Variants in OR2L13 observed in about 807,000 individuals in gnomAD.
The protein encoded by OR2L13 is olfactory receptor 2L13.
A neutral mutation model predicts 15.3 loss-of-function variants in OR2L13; 14 were observed. The observed-to-expected ratio is 0.91, with a 90% CI of 0.60 to 1.43. The LOEUF (loss-of-function observed/expected upper bound fraction) is 1.43, where lower values mean the gene tolerates loss of function less well. OR2L13 is among the 40% of genes most tolerant of loss of function. The pLI is 0.00. For missense variants in OR2L13, 367 were observed against 387.9 expected, an observed-to-expected ratio of 0.95 and a Z score of 0.45; for synonymous variants, 152 against 142.9, an observed-to-expected ratio of 1.06 and a Z score of -0.45.
chr1:248,091,197 T>C (rs1268948514), upstream of OR2L13, among the ~76,000 whole-genome samples: 3 of 152,168 alleles, frequency 2.0e-5, no homozygotes, highest in Non-Finnish European at 4.4e-5. Flanking sequence ...TTTTGTTGCA[T>C]GTATATTTGC....
At chr1:247,960,587 C>A in the OR2L13 span, among the ~76,000 whole-genome samples, 1 of 152,184 alleles carries the variant, frequency 6.6e-6, no homozygotes, top group Non-Finnish European at 1.5e-5. Flanking sequence ...GTGGGCTGCA[C>A]CCAGTTCGAG....
chr1:248,060,055 T>G, the OR2L13 span, among the ~76,000 whole-genome samples: 4 of 151,324 alleles, frequency 2.6e-5, no homozygotes. Context: ...AAAAAAAAAG[T>G]ATAAATATGG....
chr1:248,014,219 C>T, the OR2L13 span, among the ~76,000 whole-genome samples: 2 of 151,706 alleles, frequency 1.3e-5, no homozygotes, highest in African/African-American at 4.8e-5. Context: ...CCAGTATTTC[C>T]AAGGAAATAT....
At chr1:248,017,998 A>T in the OR2L13 span, among the ~76,000 whole-genome samples, 5 of 151,726 alleles carry the variant, frequency 3.3e-5, no homozygotes, top group Admixed American at 1.3e-4. Context: ...ATGTATATAT[A>T]AAAAAAATTA....
chr1:248,022,049 C>A, the OR2L13 span: 2 of 1,613,916 alleles, frequency 1.2e-6, no homozygotes, highest in Non-Finnish European at 1.7e-6. Flanking sequence ...TTCTCATTTT[C>A]CTAATGGCTC....
the OR2L13 span, among the ~76,000 whole-genome samples, chr1:247,989,632 A>G: frequency 6.6e-6 from 1 of 152,236 alleles, no homozygotes; most frequent in Non-Finnish European, 1.5e-5. Context: ...TAAATAGGAA[A>G]GATTACTTCA....
the OR2L13 span, among the ~76,000 whole-genome samples, chr1:247,969,869 T>C: frequency 6.6e-6 from 1 of 152,186 alleles, no homozygotes; most frequent in Non-Finnish European, 1.5e-5. Context: ...TTCTACATGA[T>C]GGCTGCTCCT....
Position 248,100,030 on chromosome 1 carries a change from C to T in OR2L13, c.655C>T (p.Arg219Ter), listed in dbSNP as rs1446884425. 49 of 1,614,046 alleles carry T rather than the reference C, an allele frequency of 3.0e-5. No individual in the cohort carries two copies. Among genetic ancestry groups the T allele is most frequent in the South Asian group, 4.4e-5 (4 of 91,068 alleles). Residue 219 changes from arginine (R) to a stop codon, truncating the protein, a stop_gained, in exon 3 of 3, where the codon CGA becomes TGA. Transcript: ENST00000641714. LOFTEE classifies it high-confidence loss of function. ...CATTGGCATCACTTCTTCCTGTGGCCGAGTCCTATTTGCTGTCTATCATAT... is the reference window on the plus strand; with the variant it reads ...CATTGGCATCACTTCTTCCTGTGGCTGAGTCCTATTTGCTGTCTATCATAT...
At chr1:247,966,084 AG>A in the OR2L13 span, 2 of 1,614,140 alleles carry the variant, frequency 1.2e-6, no homozygotes, top group Non-Finnish European at 1.7e-6. Flanking sequence ...GACAGGCAAA[AG>A]CTGTTTCCAC....
At chr1:248,003,064 G>A in the OR2L13 span, 23 of 817,510 alleles carry the variant, frequency 2.8e-5, no homozygotes, top group South Asian at 1.2e-4. Flanking sequence ...GAAATTCTGC[G>A]GATAAGGATG....
At chr1:247,947,211 CAG>C in the OR2L13 span, among the ~76,000 whole-genome samples, 1 of 152,200 alleles carries the variant, frequency 6.6e-6, no homozygotes, top group African/African-American at 2.4e-5. Flanking sequence ...GATTTCATAA[CAG>C]ATCATACATC....
the OR2L13 span, chr1:248,061,705 A>G: frequency 8.0e-7 from 1 of 1,251,162 alleles, no homozygotes; most frequent in Admixed American, 2.8e-5. Context: ...TCAATCCTAG[A>G]GTTCAGGAGC....
the OR2L13 span, among the ~76,000 whole-genome samples, chr1:247,991,662 A>T: frequency 1.3e-5 from 2 of 149,500 alleles, no homozygotes; most frequent in South Asian, 4.2e-4. Flanking sequence ...GTGAGTAGCC[A>T]CTGGTATTCT....
chr1:247,942,906 C>T, the OR2L13 span, among the ~76,000 whole-genome samples: 1 of 150,876 alleles, frequency 6.6e-6, no homozygotes, highest in Non-Finnish European at 1.5e-5. Context: ...CCCTGGGGTC[C>T]ACTCTTCCAC....
the OR2L13 span, among the ~76,000 whole-genome samples, chr1:248,070,682 C>A: frequency 6.6e-6 from 1 of 151,918 alleles, no homozygotes; most frequent in Non-Finnish European, 1.5e-5. Context: ...TTAATGAATC[C>A]AGGAGCTGGT....
the OR2L13 span, chr1:248,061,336 C>G: frequency 6.2e-7 from 1 of 1,613,852 alleles, no homozygotes; most frequent in Non-Finnish European, 8.5e-7. Context: ...TTCCTATGGC[C>G]GGGTTCTCCT....
At chr1:247,940,753 TGTGC>T in the OR2L13 span, among the ~76,000 whole-genome samples, 178 of 150,390 alleles carry the variant, frequency 1.2e-3, 1 homozygote, top group Admixed American at 2.4e-3. Context: ...TGTGTGTGTG[TGTGC>T]GCGCGCTAAG....
chr1:248,049,417 T>C, the OR2L13 span, among the ~76,000 whole-genome samples: 1 of 152,198 alleles, frequency 6.6e-6, no homozygotes, highest in Non-Finnish European at 1.5e-5. Flanking sequence ...AAATATTACG[T>C]TGAATATGTA....
chr1:248,065,491 A>T, the OR2L13 span, among the ~76,000 whole-genome samples: 16 of 151,540 alleles, frequency 1.1e-4, no homozygotes, highest in African/African-American at 3.6e-4. Flanking sequence ...TGTGCAGGTT[A>T]GTTACATATG....
Sources: gnomAD v4.1 joint callset for allele counts (sites outside exome capture counted in the v4.1 genomes callset) on GRCh38, gnomAD v4.1.1 for gene constraint, MANE v1.5 for transcripts, NCBI Gene and HGNC (gene_info 2026-07-23, HGNC 2026-07-21) for gene names.